Variants in NCALD observed in about 807,000 individuals in gnomAD.
NCALD encodes the protein neurocalcin-delta.
NCALD carries 10 observed loss-of-function variants against 18.6 expected under a neutral mutation model. The ratio of observed to expected loss-of-function variants is 0.54; its 90% CI spans 0.33 to 0.91. The LOEUF (loss-of-function observed/expected upper bound fraction) is 0.91, where lower values mean the gene tolerates loss of function less well. NCALD is among the 40% of genes least tolerant of loss of function. The pLI is 0.03. For missense variants in NCALD, 184 were observed against 247.6 expected (o/e 0.74, Z 1.72); for synonymous variants, 88 against 87.4 (o/e 1.01, Z -0.04).
At chr8:101,716,506 T>A (rs972736414) in intron 2 of NCALD, among the ~76,000 whole-genome samples, 1 of 152,126 alleles carries the variant, frequency 6.6e-6, no homozygotes, top group Non-Finnish European at 1.5e-5. Context: ...AATAAACACA[T>A]GAATGTAAAA....
At chr8:101,948,956 G>A (rs753590621) in intron 2 of NCALD, among the ~76,000 whole-genome samples, 2 of 152,174 alleles carry the variant, frequency 1.3e-5, no homozygotes, top group Non-Finnish European at 1.5e-5. Context: ...ACAGTGCTCA[G>A]AACAGGACCT....
chr8:101,869,265 A>AAGAATCTTT (rs770545566), intron 4 of NCALD, among the ~76,000 whole-genome samples: 3 of 152,342 alleles, frequency 2.0e-5, no homozygotes, highest in South Asian at 4.1e-4. Flanking sequence ...ATGTAATTAC[A>AAGAATCTTT]AGAATCTTTC....
chr8:101,815,220 C>G (rs1353501838), intron 4 of NCALD, among the ~76,000 whole-genome samples: 1 of 152,042 alleles, frequency 6.6e-6, no homozygotes, highest in Non-Finnish European at 1.5e-5. Context: ...TCAAGTCTTA[C>G]TATAAAGCTA....
At chr8:101,961,109 C>T (rs990491594) in intron 2 of NCALD, among the ~76,000 whole-genome samples, 6 of 152,112 alleles carry the variant, frequency 3.9e-5, no homozygotes, top group African/African-American at 1.4e-4. Flanking sequence ...CCTAGTACCT[C>T]GGACAGTGGC....
At chr8:102,092,865 G>A (rs951489134) in intron 1 of NCALD, among the ~76,000 whole-genome samples, 7 of 152,144 alleles carry the variant, frequency 4.6e-5, no homozygotes, top group Admixed American at 3.3e-4. Context: ...TATCACAATA[G>A]GAATTCTTTA....
intron 2 of NCALD, among the ~76,000 whole-genome samples, chr8:101,971,088 C>CA (rs1040113488): frequency 1.3e-5 from 2 of 151,908 alleles, no homozygotes; most frequent in African/African-American, 4.8e-5. Flanking sequence ...CATCAGAAGC[C>CA]AAAAAAATGC....
intron 1 of NCALD, among the ~76,000 whole-genome samples, chr8:101,725,561 C>T (rs1432787503): frequency 1.3e-5 from 2 of 152,214 alleles, no homozygotes; most frequent in Non-Finnish European, 2.9e-5. Flanking sequence ...CCCTGACTCT[C>T]CACTGAGCTG....
chr8:101,830,511 T>G (rs1267025172), intron 4 of NCALD, among the ~76,000 whole-genome samples: 1 of 150,620 alleles, frequency 6.6e-6, no homozygotes, highest in East Asian at 2.0e-4. Context: ...CACGCACCAC[T>G]GCACTCCAGC....
intron 1 of NCALD, among the ~76,000 whole-genome samples, chr8:102,108,539 G>A (rs897121826): frequency 3.9e-5 from 6 of 152,178 alleles, no homozygotes; most frequent in Admixed American, 6.5e-5. Context: ...AACATCCTCC[G>A]TCATTGCAAC....
chr8:102,046,772 C>G (rs1326464182), intron 1 of NCALD, among the ~76,000 whole-genome samples: 2 of 151,366 alleles, frequency 1.3e-5, no homozygotes, highest in African/African-American at 4.9e-5. Context: ...AGCCAGCATG[C>G]CTGGCTCACA....
At chr8:102,021,946 C>A (rs926936386) in intron 1 of NCALD, among the ~76,000 whole-genome samples, 1 of 152,178 alleles carries the variant, frequency 6.6e-6, no homozygotes, top group African/African-American at 2.4e-5. Flanking sequence ...CCATAGCCCT[C>A]TCTGTGACTC....
intron 4 of NCALD, among the ~76,000 whole-genome samples, chr8:101,831,653 C>T (rs1414376604): frequency 6.6e-6 from 1 of 152,118 alleles, no homozygotes; most frequent in African/African-American, 2.4e-5. Flanking sequence ...CCCACAGTTC[C>T]TTGTGGCCCC....
chr8:101,998,588 G>A (rs770003430), intron 2 of NCALD, among the ~76,000 whole-genome samples: 1 of 152,148 alleles, frequency 6.6e-6, no homozygotes, highest in Non-Finnish European at 1.5e-5. Context: ...CTTCTGCTCA[G>A]TGGCCCTTCC....
chr8:101,852,547 A>T (rs1000175784), intron 4 of NCALD: 1 of 152,242 alleles, frequency 6.6e-6, no homozygotes, highest in Non-Finnish European at 1.5e-5. Context: ...TCTTTGGGGC[A>T]GATCCACCAT....
At chr8:101,751,664 A>C (rs1810665807) in intron 1 of NCALD, among the ~76,000 whole-genome samples, 1 of 152,174 alleles carries the variant, frequency 6.6e-6, no homozygotes. Context: ...AACTTTCCTC[A>C]GTGACTGAGA....
intron 4 of NCALD, among the ~76,000 whole-genome samples, chr8:101,868,808 G>C (rs1815884970): frequency 6.6e-6 from 1 of 152,210 alleles, no homozygotes; most frequent in Admixed American, 6.5e-5. Flanking sequence ...CAGGGTCCTT[G>C]AGCCACTGCA....
At position 101,801,643 on chromosome 8, in the gene NCALD, C is replaced by CTTTTTTTTTTTTTT. The variant is rs71268530; in HGVS notation, c.-19-82009_-19-81996dup. 2.5e-4 allele frequency among the ~76,000 whole-genome samples: 11 copies of CTTTTTTTTTTTTTT among 44,176 alleles called. 4 individuals are homozygous for CTTTTTTTTTTTTTT. Among genetic ancestry groups the CTTTTTTTTTTTTTT allele is most frequent in the South Asian group, 1.1e-3 (1 of 906 alleles). The allele number at this position is 44,176 out of a possible 152,430, so 29.0% of individuals were successfully genotyped here. On this transcript the variant is annotated intron_variant, in intron 4 of 6. Transcript: ENST00000311028. ...TCTCTATGATTTACAAGCACACTTA[C>CTTTTTTTTTTTTTT]TTTTTTTTTTTTTTTTTTTTTTTTT...
chr8:101,753,711 C>T (rs1810755724), intron 1 of NCALD, among the ~76,000 whole-genome samples: 1 of 152,128 alleles, frequency 6.6e-6, no homozygotes, highest in South Asian at 2.1e-4. Context: ...TAGTCTCTTT[C>T]TGCGTCTAGT....
At chr8:101,904,954 A>G (rs1817561005) in intron 3 of NCALD, among the ~76,000 whole-genome samples, 2 of 152,208 alleles carry the variant, frequency 1.3e-5, no homozygotes, top group Admixed American at 1.3e-4. Context: ...CCCATAAATG[A>G]GAGTAATCCC....
Sources: allele counts gnomAD v4.1 joint callset (sites outside exome capture counted in the v4.1 genomes callset), GRCh38; gene constraint gnomAD v4.1.1; transcripts MANE v1.5; gene names NCBI Gene and HGNC (gene_info 2026-07-23, HGNC 2026-07-21).